Variants in CAT observed in about 807,000 individuals in gnomAD.
CAT encodes the protein epididymis secretory sperm binding protein.
CAT carries 43 observed loss-of-function variants against 59.0 expected under a neutral mutation model. That is an observed-to-expected ratio of 0.73 (90% CI 0.57 to 0.94). The LOEUF is 0.94. Among genes scored for constraint, CAT ranks in the 40% least tolerant of loss-of-function variants. The pLI, the probability that CAT is intolerant of heterozygous loss-of-function variation, is 0.00. For missense variants in CAT, 664 were observed against 682.9 expected (o/e 0.97, Z 0.31); for synonymous variants, 218 against 230.9 (o/e 0.94, Z 0.51).
In CAT at chr11:34,450,999, T is replaced by C. The variant is rs1478264052; in HGVS notation, c.250T>C (p.Tyr84His). The C allele has an allele frequency of 4.3e-6, 7 of 1,611,284 alleles. No individual in the cohort carries two copies. The highest frequency in any genetic ancestry group is 5.9e-6 in the Non-Finnish European group (7 of 1,177,350). The change falls in exon 3 of 13, where the codon TAC becomes CAC. Residue 84 changes from tyrosine (Y) to histidine (H), a missense_variant. Coordinates refer to ENST00000241052, the MANE Select transcript of CAT (RefSeq NM_001752.4). The part of the protein sequence containing the change: ...VHAKGAGAFG[Y>H]FEVTHDITKY... ...GTCTTTCTCGTTAGGGGCCTTTGGC[T>C]ACTTTGAGGTCACACATGACATTAC...
intron 1 of CAT, among the ~76,000 whole-genome samples, chr11:34,442,383 C>T (rs1420880569): frequency 6.6e-6 from 1 of 152,100 alleles, no homozygotes; most frequent in African/African-American, 2.4e-5. Flanking sequence ...GGGCGGATCA[C>T]CTGAGGTCAG....
intron 1 of CAT, among the ~76,000 whole-genome samples, chr11:34,448,017 G>T (rs967988664): frequency 6.6e-6 from 1 of 151,998 alleles, no homozygotes; most frequent in African/African-American, 2.4e-5. Context: ...TGTGTGAGAG[G>T]GTCTTGTTTA....
intron 10 of CAT, among the ~76,000 whole-genome samples, chr11:34,467,693 T>C (rs1025893825): frequency 1.2e-4 from 19 of 152,186 alleles, no homozygotes; most frequent in African/African-American, 4.1e-4. Context: ...GATTCACATA[T>C]CTGATACTAA....
At chr11:34,457,204 C>CTTTTTTTTTTTTTTT (rs899442681) in intron 8 of CAT, among the ~76,000 whole-genome samples, 33 of 66,174 alleles carry the variant, frequency 5.0e-4, no homozygotes, top group Admixed American at 7.4e-4. Context: ...TTTTCTTGTT[C>CTTTTTTTTTTTTTTT]TTTTTTTTTT....
At chr11:34,467,704 GCTC>G (rs779052229) in intron 10 of CAT, among the ~76,000 whole-genome samples, 159 of 152,236 alleles carry the variant, frequency 1.0e-3, no homozygotes, top group Non-Finnish European at 1.8e-3. Flanking sequence ...CTGATACTAA[GCTC>G]CTATTTTTCA....
At chr11:34,456,533 A>C in intron 7 of CAT, 132 bp from the exon 8 acceptor site, 1 of 917,910 alleles carries the variant, frequency 1.1e-6, no homozygotes, top group Non-Finnish European at 1.8e-6. Flanking sequence ...CTCATCTTAA[A>C]TTCTTATGTT....
chr11:34,451,941 C>A, intron 3 of CAT, 136 bp from the exon 4 acceptor site: 1 of 826,432 alleles, frequency 1.2e-6, no homozygotes, highest in Non-Finnish European at 2.1e-6. Context: ...AAATAATAAC[C>A]CGGGCACTTA....
intron 5 of CAT, 59 bp downstream of exon 5, chr11:34,453,253 C>G (rs1393295427): frequency 1.0e-6 from 1 of 992,872 alleles, no homozygotes; most frequent in Admixed American, 1.7e-5. Flanking sequence ...TTAATTATGC[C>G]TCTTCATAAA....
intron 9 of CAT, 127 bp downstream of exon 9, chr11:34,461,516 A>C (rs1357644681): frequency 2.5e-5 from 28 of 1,121,584 alleles, no homozygotes; most frequent in Non-Finnish European, 3.6e-5. Context: ...GGTGCTCCCC[A>C]GGTGCTGCTA....
intron 5 of CAT, 132 bp from the exon 6 acceptor site, chr11:34,453,669 C>T: frequency 1.3e-6 from 1 of 781,056 alleles, no homozygotes; most frequent in South Asian, 1.5e-5. Context: ...TAATGGTAAC[C>T]CTTCCCATGG....
At chr11:34,454,646 G>A (rs1856568176) in intron 6 of CAT, among the ~76,000 whole-genome samples, 1 of 152,140 alleles carries the variant, frequency 6.6e-6, no homozygotes, top group South Asian at 2.1e-4. Flanking sequence ...ATATCAAACA[G>A]GAAAACTATC....
chr11:34,463,732 A>G, intron 9 of CAT, among the ~76,000 whole-genome samples: 1 of 152,198 alleles, frequency 6.6e-6, no homozygotes, highest in South Asian at 2.1e-4. Flanking sequence ...GTCAATTTTG[A>G]AATGTGTCTT....
chr11:34,471,490 A>G lies in CAT; in HGVS notation c.*57A>G. 1.4e-6 allele frequency: 2 copies of G among 1,411,334 alleles called. No individual in the cohort carries two copies. The highest frequency in any genetic ancestry group is 3.3e-5 in the Admixed American group (2 of 59,780). The allele number at this position is 1,411,334 out of a possible 1,614,324, so 87.4% of individuals were successfully genotyped here. A position where few individuals can be genotyped will look rare whatever the true frequency, so the allele number is the denominator to read the frequency against. On this transcript the variant is annotated 3_prime_UTR_variant, in exon 13 of 13. Coordinates refer to ENST00000241052, the MANE Select transcript of CAT (RefSeq NM_001752.4). ...TAGCGTTCATCCGTGTAACCCGCTC[A>G]TCACTGGATGAAGATTCTCCTGTGC...
chr11:34,471,295 T>C (rs1324917304), intron 12 of CAT, 73 bp from the exon 13 acceptor site: 2 of 1,153,606 alleles, frequency 1.7e-6, no homozygotes, highest in Middle Eastern at 1.9e-4. Flanking sequence ...TTTGCATACA[T>C]ATTAAAACTG....
rs999525761 is a variant in CAT, at chr11:34,453,919, A to G, written c.704A>G (p.His235Arg). Residue 235 changes from histidine to arginine, a missense_variant, in exon 6 of 13, where the codon CAT (histidine) becomes CGT (arginine). By Grantham distance (29) the His-to-Arg change is conservative. Coordinates refer to ENST00000241052, the MANE Select transcript of CAT (RefSeq NM_001752.4). ...ANGEAVYCKF[H>R]YKTDQGIKNL... Reference sequence around the variant, plus strand: ...GGGGAGGCAGTTTATTGCAAATTCCATTATAAGGTATGTGTTACCTTTGGG... The same window carrying G: ...GGGGAGGCAGTTTATTGCAAATTCCGTTATAAGGTATGTGTTACCTTTGGG... The G allele has an allele frequency of 3.1e-6, 5 of 1,613,774 alleles. No individual in the cohort carries two copies. Among genetic ancestry groups the G allele is most frequent in the Admixed American group, 3.3e-5 (2 of 59,998 alleles).
chr11:34,445,664 TA>T (rs1856444709), intron 1 of CAT, among the ~76,000 whole-genome samples: 1 of 151,914 alleles, frequency 6.6e-6, no homozygotes, highest in Admixed American at 6.6e-5. Context: ...TCATGGGAGC[TA>T]GCAGCCAGGA....
intron 8 of CAT, among the ~76,000 whole-genome samples, chr11:34,458,070 C>T (rs1856611557): frequency 6.6e-6 from 1 of 152,186 alleles, no homozygotes; most frequent in African/African-American, 2.4e-5. Flanking sequence ...AGGCAGAATG[C>T]CATGGTGATC....
intron 3 of CAT, among the ~76,000 whole-genome samples, chr11:34,451,715 C>T (rs552868180): frequency 6.6e-6 from 1 of 152,286 alleles, no homozygotes; most frequent in South Asian, 2.1e-4. Context: ...ATGTTAACCT[C>T]ATCATTTTGA....
At chr11:34,441,482 A>AT (rs547514434) in intron 1 of CAT, among the ~76,000 whole-genome samples, 2 of 152,076 alleles carry the variant, frequency 1.3e-5, no homozygotes, top group South Asian at 2.1e-4. Flanking sequence ...GGGCTATTTA[A>AT]TTTTTTTTCT....
Sources: gnomAD v4.1 joint callset for allele counts (sites outside exome capture counted in the v4.1 genomes callset) on GRCh38, gnomAD v4.1.1 for gene constraint, MANE v1.5 for transcripts, NCBI Gene and HGNC (gene_info 2026-07-23, HGNC 2026-07-21) for gene names.